The following TBC1D32 variants were observed in gnomAD, a reference collection of about 807,000 sequenced individuals.
TBC1D32 encodes the protein TBC1 domain family member 32, also known as protein broad-minded.
TBC1D32 carries 151 observed loss-of-function variants against 170.3 expected under a neutral mutation model. The observed-to-expected ratio is 0.89, with a 90% CI of 0.78 to 1.01. The LOEUF (loss-of-function observed/expected upper bound fraction) is 1.01, where lower values mean the gene tolerates loss of function less well. Ranked by LOEUF, TBC1D32 falls within the 50% of genes least tolerant of loss-of-function variation. The pLI, the probability that TBC1D32 is intolerant of heterozygous loss-of-function variation, is 0.00. For missense variants in TBC1D32, 1,464 were observed against 1,457.1 expected (o/e 1.00, Z -0.08); for synonymous variants, 498 against 488.0 (o/e 1.02, Z -0.27).
Position 121,112,686 on chromosome 6 carries a change from AC to A in TBC1D32, c.3170-28del, listed in dbSNP as rs1462459412. 7 of 1,513,832 alleles carry A rather than the reference AC, an allele frequency of 4.6e-6. No individual in the cohort carries two copies. The African/African-American group carries it at 1.0e-4, about 22-fold the overall frequency. 93.8% of individuals were successfully genotyped at this position (1,513,832 alleles called of 1,614,324 possible). A position where few individuals can be genotyped will look rare whatever the true frequency, so the allele number is the denominator to read the frequency against. On this transcript the variant is annotated intron_variant, in intron 28 of 31. Coordinates refer to ENST00000398212, the MANE Select transcript of TBC1D32 (RefSeq NM_152730.6). ...TGAAAAACACAGTTAAGAAAACTTT[AC>A]AATATTTTGTAAGATAAAATATTAA...
intron 29 of TBC1D32, among the ~76,000 whole-genome samples, chr6:121,111,972 A>T (rs1181500777): frequency 2.0e-5 from 3 of 152,158 alleles, no homozygotes; most frequent in Non-Finnish European, 4.4e-5. Context: ...AAACATTATA[A>T]ATTGATTGAA....
chr6:121,148,362 C>A (rs1302949062), intron 24 of TBC1D32, among the ~76,000 whole-genome samples: 2 of 152,080 alleles, frequency 1.3e-5, no homozygotes, highest in African/African-American at 4.8e-5. Flanking sequence ...ACATATGCCA[C>A]ATTTTCTTTA....
intron 12 of TBC1D32, among the ~76,000 whole-genome samples, chr6:121,286,942 A>G (rs1441337786): frequency 6.6e-6 from 1 of 152,172 alleles, no homozygotes; most frequent in Non-Finnish European, 1.5e-5. Flanking sequence ...CTTTACAGAC[A>G]AGCAAATGCT....
At chr6:121,218,823 T>C (rs1422503042) in intron 21 of TBC1D32, among the ~76,000 whole-genome samples, 2 of 152,158 alleles carry the variant, frequency 1.3e-5, no homozygotes, top group Admixed American at 6.5e-5. Flanking sequence ...TATCATGAGA[T>C]ATGATGGTTT....
At chr6:121,255,202 G>T (rs1798801705) in intron 17 of TBC1D32, 126 bp downstream of exon 17, 3 of 414,816 alleles carry the variant, frequency 7.2e-6, no homozygotes, top group Non-Finnish European at 1.3e-5. Flanking sequence ...AATTTTCCTT[G>T]AAGCTGTATA....
At chr6:121,171,809 T>C (rs1243287861) in intron 22 of TBC1D32, among the ~76,000 whole-genome samples, 2 of 152,072 alleles carry the variant, frequency 1.3e-5, no homozygotes, top group Non-Finnish European at 1.5e-5. Flanking sequence ...CAAACAAACA[T>C]ATCATGAGAA....
chr6:121,106,189 T>A (rs773630753), intron 29 of TBC1D32, 26 bp from the exon 30 acceptor site: 1 of 1,241,930 alleles, frequency 8.1e-7, no homozygotes, highest in Non-Finnish European at 1.0e-6. Flanking sequence ...AAATTAAAAA[T>A]TTTATTAATT....
chr6:121,284,021 G>T, intron 12 of TBC1D32, 111 bp from the exon 13 acceptor site: 1 of 730,696 alleles, frequency 1.4e-6, no homozygotes, highest in Non-Finnish European at 2.3e-6. Flanking sequence ...TACAGACTAC[G>T]AGGCAATCAG....
Position 121,285,726 on chromosome 6 carries a change from G to C in TBC1D32, c.1373-1816C>G, listed in dbSNP as rs200426667. ...CCCTGACCCCCGAGTAGCCTAACTG[G>C]GAGGCACCCCCCAGTAGGGGCAGAC... On this transcript the variant is annotated intron_variant, in intron 12 of 31. Transcript: ENST00000398212. Among the ~76,000 whole-genome samples, 17 of 152,276 alleles carry C rather than the reference G, an allele frequency of 1.1e-4. No individual in the cohort carries two copies. The East Asian group carries it at 2.5e-3, about 23-fold the overall frequency.
intron 26 of TBC1D32, among the ~76,000 whole-genome samples, chr6:121,118,196 T>C (rs1168406625): frequency 2.0e-5 from 3 of 152,088 alleles, no homozygotes; most frequent in Admixed American, 6.6e-5. Flanking sequence ...AAAACAGACA[T>C]AGACTTAAAA....
intron 11 of TBC1D32, among the ~76,000 whole-genome samples, chr6:121,293,013 T>C (rs1332680495): frequency 2.0e-5 from 3 of 152,180 alleles, no homozygotes; most frequent in Non-Finnish European, 4.4e-5. Context: ...CCATGTCATA[T>C]ACTCTCTGCT....
intron 22 of TBC1D32, 25 bp downstream of exon 22, chr6:121,205,050 T>G: frequency 7.6e-7 from 1 of 1,320,202 alleles, no homozygotes; most frequent in South Asian, 1.3e-5. Context: ...AAATATAATA[T>G]CAAAAGTAAA....
intron 20 of TBC1D32, among the ~76,000 whole-genome samples, chr6:121,237,518 T>C (rs1796469881): frequency 6.6e-6 from 1 of 152,030 alleles, no homozygotes; most frequent in Non-Finnish European, 1.5e-5. Context: ...GTTAAACATT[T>C]TGACATGGTC....
At chr6:121,263,749 T>C (rs1168117944) in intron 15 of TBC1D32, among the ~76,000 whole-genome samples, 14 of 152,080 alleles carry the variant, frequency 9.2e-5, no homozygotes, top group Admixed American at 9.2e-4. Context: ...AGACAGTCTC[T>C]CAAACCACAG....
chr6:121,114,333 A>C (rs1779481657), intron 27 of TBC1D32, among the ~76,000 whole-genome samples: 1 of 152,312 alleles, frequency 6.6e-6, no homozygotes, highest in Non-Finnish European at 1.5e-5. Context: ...TTTCATAATA[A>C]CTTTGCTTAT....
intron 15 of TBC1D32, among the ~76,000 whole-genome samples, chr6:121,274,881 G>A (rs1012351700): frequency 4.6e-5 from 7 of 152,154 alleles, no homozygotes; most frequent in Admixed American, 3.9e-4. Flanking sequence ...TTAACATGCT[G>A]AGAGAGGATT....
chr6:121,216,172 A>G (rs1467489710), intron 21 of TBC1D32, among the ~76,000 whole-genome samples: 1 of 152,204 alleles, frequency 6.6e-6, no homozygotes, highest in Non-Finnish European at 1.5e-5. Flanking sequence ...GCTGCCAGCA[A>G]ATATAAAGCA....
At chr6:121,118,970 CT>C (rs1397539155) in intron 26 of TBC1D32, among the ~76,000 whole-genome samples, 1 of 152,096 alleles carries the variant, frequency 6.6e-6, no homozygotes, top group Non-Finnish European at 1.5e-5. Context: ...GCAATTACCC[CT>C]GCCTGGAAGA....
chr6:121,303,955 T>G (rs1395600357), intron 8 of TBC1D32, among the ~76,000 whole-genome samples, 194 bp from the exon 9 acceptor site: 1 of 152,096 alleles, frequency 6.6e-6, no homozygotes, highest in Non-Finnish European at 1.5e-5. Context: ...ATCTGTGAAT[T>G]TAACTTTCCT....
Sources: gnomAD v4.1 joint callset for allele counts (sites outside exome capture counted in the v4.1 genomes callset) on GRCh38, gnomAD v4.1.1 for gene constraint, MANE v1.5 for transcripts, NCBI Gene and HGNC (gene_info 2026-07-23, HGNC 2026-07-21) for gene names.